The following PLXNA4 variants were observed in gnomAD, a reference collection of about 807,000 sequenced individuals.
PLXNA4 encodes plexin-A4.
Under a neutral mutation model 191.8 loss-of-function variants are expected in PLXNA4, and 44 were observed. The observed-to-expected ratio is 0.23, with a 90% CI of 0.18 to 0.29. The LOEUF is 0.29. Ranked by LOEUF, PLXNA4 falls within the 10% of genes least tolerant of loss-of-function variation. PLXNA4 has a pLI of 1.00. For missense variants in PLXNA4, 1,800 were observed against 2,488.8 expected, an observed-to-expected ratio of 0.72 and a Z score of 5.89; for synonymous variants, 1,082 against 1,009.5, an observed-to-expected ratio of 1.07 and a Z score of -1.36.
chr7:132,358,118 A>T (rs940098733), intron 3 of PLXNA4, among the ~76,000 whole-genome samples: 1 of 152,240 alleles, frequency 6.6e-6, no homozygotes, highest in African/African-American at 2.4e-5. Flanking sequence ...TCCAAAATGA[A>T]GTCTTCCTGT....
chr7:132,145,062 C>A, intron 29 of PLXNA4, 57 bp downstream of exon 29: 1 of 1,611,742 alleles, frequency 6.2e-7, no homozygotes, highest in Non-Finnish European at 8.5e-7. Flanking sequence ...CCACCATTAA[C>A]TTGAGGCTGG....
intron 3 of PLXNA4, among the ~76,000 whole-genome samples, chr7:132,405,336 C>T (rs1170416525): frequency 6.6e-6 from 1 of 152,118 alleles, no homozygotes; most frequent in Non-Finnish European, 1.5e-5. Flanking sequence ...CCTACAGCTG[C>T]TCTTACTTAG....
At chr7:132,566,522 T>A (rs893325463) in intron 1 of PLXNA4, among the ~76,000 whole-genome samples, 2 of 152,190 alleles carry the variant, frequency 1.3e-5, no homozygotes, top group Non-Finnish European at 2.9e-5. Context: ...TTTAGGGAGA[T>A]GTGTCTTAAT....
intron 2 of PLXNA4, among the ~76,000 whole-genome samples, chr7:132,617,161 G>A (rs1038962367): frequency 3.9e-5 from 6 of 152,168 alleles, no homozygotes; most frequent in Non-Finnish European, 7.3e-5. Flanking sequence ...TAAAGAACCC[G>A]ATTGCCACCT....
chr7:132,582,654 G>C (rs1362169484), intron 2 of PLXNA4, among the ~76,000 whole-genome samples: 1 of 151,178 alleles, frequency 6.6e-6, no homozygotes, highest in African/African-American at 2.5e-5. Context: ...TCCAGCCCCA[G>C]TTAAGCCTTC....
At chr7:132,563,048 T>C (rs1585348152) in intron 1 of PLXNA4, among the ~76,000 whole-genome samples, 2 of 57,116 alleles carry the variant, frequency 3.5e-5, no homozygotes, top group African/African-American at 1.3e-4. Context: ...TTCTCTTCTT[T>C]CTCTGCCTCC....
intron 21 of PLXNA4, among the ~76,000 whole-genome samples, chr7:132,169,243 C>T (rs542012034): frequency 5.9e-5 from 9 of 152,366 alleles, no homozygotes; most frequent in Admixed American, 2.6e-4. Flanking sequence ...AGACCCTGCT[C>T]TATGCAGGGG....
intron 2 of PLXNA4, among the ~76,000 whole-genome samples, chr7:132,495,847 C>G (rs928527308): frequency 6.6e-6 from 1 of 152,168 alleles, no homozygotes; most frequent in Non-Finnish European, 1.5e-5. Context: ...GAACTCCCTG[C>G]GTTCAGCAAG....
chr7:132,190,914 A>T (rs1797066276), intron 14 of PLXNA4, among the ~76,000 whole-genome samples: 1 of 152,184 alleles, frequency 6.6e-6, no homozygotes, highest in Non-Finnish European at 1.5e-5. Flanking sequence ...AGATGTCTGG[A>T]GTCCCAGTAA....
At chr7:132,276,304 T>A (rs1290789238) in intron 4 of PLXNA4, among the ~76,000 whole-genome samples, 3 of 152,178 alleles carry the variant, frequency 2.0e-5, no homozygotes. Flanking sequence ...TCTCCTCTTT[T>A]CTTCTCTTTC....
intron 2 of PLXNA4, among the ~76,000 whole-genome samples, chr7:132,626,609 G>C (rs1585414141): frequency 6.6e-6 from 1 of 152,284 alleles, no homozygotes; most frequent in East Asian, 1.9e-4. Context: ...TAATGTGCCT[G>C]CTTCCACTTT....
intron 20 of PLXNA4, among the ~76,000 whole-genome samples, chr7:132,178,300 G>C (rs1252611695): frequency 2.0e-5 from 3 of 151,978 alleles, no homozygotes; most frequent in African/African-American, 4.8e-5. Context: ...TGCTCTAGTG[G>C]GGTGAAGGTG....
chr7:132,470,463 G>T (rs954340971), intron 3 of PLXNA4, among the ~76,000 whole-genome samples: 1 of 152,166 alleles, frequency 6.6e-6, no homozygotes, highest in African/African-American at 2.4e-5. Context: ...AATCAGTTTT[G>T]CAGATGTTTT....
At chr7:132,466,782 T>A (rs1005856462) in intron 3 of PLXNA4, among the ~76,000 whole-genome samples, 2 of 152,200 alleles carry the variant, frequency 1.3e-5, no homozygotes, top group African/African-American at 2.4e-5. Context: ...AACTTTTTAA[T>A]CACTTTCTAA....
intron 2 of PLXNA4, among the ~76,000 whole-genome samples, chr7:132,493,092 G>A (rs555870856): frequency 6.6e-5 from 10 of 152,298 alleles, no homozygotes; most frequent in South Asian, 2.1e-4. Context: ...GCCTGGGCCC[G>A]GGAAGGTGAG....
At chr7:132,154,522 G>A (rs1285643403) in intron 25 of PLXNA4, among the ~76,000 whole-genome samples, 1 of 151,868 alleles carries the variant, frequency 6.6e-6, no homozygotes, top group Non-Finnish European at 1.5e-5. Context: ...CTAGATCTTT[G>A]TAAACTGTAA....
intron 3 of PLXNA4, chr7:132,385,119 C>T: frequency 6.3e-7 from 1 of 1,590,840 alleles, no homozygotes. Flanking sequence ...TGTGTCTCAT[C>T]TGTTTCCATT....
chr7:132,565,289 A>G (rs1172335109), intron 1 of PLXNA4, among the ~76,000 whole-genome samples: 1 of 152,182 alleles, frequency 6.6e-6, no homozygotes, highest in Non-Finnish European at 1.5e-5. Context: ...AAAGACATTC[A>G]GTATACCTAG....
At chr7:132,523,554 C>T (rs190156011) in intron 1 of PLXNA4, among the ~76,000 whole-genome samples, 90 of 152,276 alleles carry the variant, frequency 5.9e-4, no homozygotes, top group Middle Eastern at 6.8e-3. Context: ...CAGCAGATGC[C>T]GGAGGGTATA....
Sources: allele counts gnomAD v4.1 joint callset (sites outside exome capture counted in the v4.1 genomes callset), GRCh38; gene constraint gnomAD v4.1.1; transcripts MANE v1.5; gene names NCBI Gene and HGNC (gene_info 2026-07-23, HGNC 2026-07-21).